Variants in CCDC39 observed in about 807,000 individuals in gnomAD.
The protein encoded by CCDC39 is coiled-coil domain 39 molecular ruler complex subunit.
CCDC39 carries 113 observed loss-of-function variants against 121.0 expected under a neutral mutation model. The ratio of observed to expected loss-of-function variants is 0.93; its 90% CI spans 0.80 to 1.09. The LOEUF (loss-of-function observed/expected upper bound fraction) is 1.09, where lower values mean the gene tolerates loss of function less well. Among genes scored for constraint, CCDC39 ranks in the 50% least tolerant of loss-of-function variants. The pLI is 0.00. For synonymous variants in CCDC39, 349 were observed against 352.2 expected, an observed-to-expected ratio of 0.99 and a Z score of 0.10; for missense variants, 1,063 against 1,074.7, an observed-to-expected ratio of 0.99 and a Z score of 0.15.
intron 1 of CCDC39, among the ~76,000 whole-genome samples, chr3:180,666,881 A>G (rs1192827553): frequency 6.6e-6 from 1 of 151,618 alleles, no homozygotes. Context: ...ACACATACGC[A>G]CACACACACA....
intron 14 of CCDC39, among the ~76,000 whole-genome samples, chr3:180,620,478 A>C (rs912083919): frequency 6.6e-6 from 1 of 152,056 alleles, no homozygotes; most frequent in Non-Finnish European, 1.5e-5. Flanking sequence ...GAAGTCTATG[A>C]ATTGCTAAAG....
chr3:180,673,701 A>T (rs942494943), intron 1 of CCDC39, among the ~76,000 whole-genome samples: 14 of 152,170 alleles, frequency 9.2e-5, no homozygotes, highest in Non-Finnish European at 1.9e-4. Flanking sequence ...GTGATCTAGG[A>T]AATACAGCCT....
chr3:180,664,667 G>GATTCT (rs1052640558), intron 1 of CCDC39, among the ~76,000 whole-genome samples: 2 of 151,612 alleles, frequency 1.3e-5, no homozygotes, highest in African/African-American at 4.8e-5. Context: ...GCAAAAATGA[G>GATTCT]ATTCTACTCC....
At chr3:180,619,511 G>A in intron 15 of CCDC39, 146 bp from the exon 16 acceptor site, 1 of 619,940 alleles carries the variant, frequency 1.6e-6, no homozygotes, top group Non-Finnish European at 2.8e-6. Flanking sequence ...TGGGCATGTA[G>A]TAGCCATTTC....
chr3:180,617,418 C>A (rs530114002), intron 16 of CCDC39: 14 of 668,780 alleles, frequency 2.1e-5, no homozygotes, highest in African/African-American at 1.8e-4. Context: ...TATAAAACAG[C>A]CTCAGGCAGG....
chr3:180,658,196 G>A (rs1000508512), intron 6 of CCDC39, among the ~76,000 whole-genome samples: 21 of 150,938 alleles, frequency 1.4e-4, no homozygotes, highest in Admixed American at 6.6e-4. Flanking sequence ...CTGAGATCAC[G>A]GCATTGCACT....
At position 180,631,579 on chromosome 3, in the gene CCDC39, C is replaced by T. The variant is rs774841018; in HGVS notation, c.1888G>A (p.Glu630Lys). 18 of 1,606,914 alleles carry T rather than the reference C, an allele frequency of 1.1e-5. No homozygotes were observed. The highest frequency in any genetic ancestry group is 1.7e-4 in the Middle Eastern group (1 of 6,058). Residue 630 changes from glutamate to lysine, a missense_variant, in exon 14 of 20, where the codon GAG (glutamate) becomes AAG (lysine). By Grantham distance (56) the Glu-to-Lys change is moderately conservative. Coordinates refer to ENST00000476379, the MANE Select transcript of CCDC39 (RefSeq NM_181426.2). ...AGCTTCTCAATTTTACTTAGCCGCT[C>T]GCGAAACTCAGTGCTAATAAGAAAA... ...ERENISTEFR[E>K]RLSKIEKLKN...
At chr3:180,670,874 C>T (rs562716293) in intron 1 of CCDC39, among the ~76,000 whole-genome samples, 20 of 152,138 alleles carry the variant, frequency 1.3e-4, no homozygotes, top group African/African-American at 2.6e-4. Flanking sequence ...TGCTTGCCAG[C>T]GTCCCATGTC....
At chr3:180,629,262 C>G (rs1017004170) in intron 14 of CCDC39, among the ~76,000 whole-genome samples, 2 of 152,138 alleles carry the variant, frequency 1.3e-5, no homozygotes, top group African/African-American at 2.4e-5. Flanking sequence ...CTGGTAGATG[C>G]AAAACATATT....
intron 13 of CCDC39, among the ~76,000 whole-genome samples, chr3:180,637,120 A>T (rs1717848352): frequency 6.6e-6 from 1 of 152,226 alleles, no homozygotes; most frequent in South Asian, 2.1e-4. Context: ...CGGCAAAGTA[A>T]ACTATCAACA....
rs1162223070 is a variant in CCDC39, at chr3:180,614,533, T to A, written c.*388A>T. 6.4e-6 allele frequency: 1 copy of A among 156,678 alleles called. No individual in the cohort carries two copies. The highest frequency in any genetic ancestry group is 6.5e-5 in the Admixed American group (1 of 15,458). The allele number at this position is 156,678 out of a possible 1,614,324, so 9.7% of individuals were successfully genotyped here. Reference sequence around the variant, plus strand: ...TGGTGTCTTGTAGGGTAAATGAGATTTTCACATTGCAATACGCTCATAATA... The same window carrying A: ...TGGTGTCTTGTAGGGTAAATGAGATATTCACATTGCAATACGCTCATAATA... On this transcript the variant is annotated 3_prime_UTR_variant, in exon 20 of 20. Transcript: ENST00000476379.
intron 16 of CCDC39, 36 bp from the exon 17 acceptor site, chr3:180,617,002 C>A: frequency 9.0e-7 from 1 of 1,113,730 alleles, no homozygotes; most frequent in South Asian, 1.8e-5. Flanking sequence ...TTTTTAGAAT[C>A]AGAAATTGAC....
intron 14 of CCDC39, among the ~76,000 whole-genome samples, chr3:180,622,504 T>C (rs1717453916): frequency 6.6e-6 from 1 of 152,110 alleles, no homozygotes; most frequent in South Asian, 2.1e-4. Flanking sequence ...TTACGGGAAA[T>C]GCCTTCAGCT....
intron 8 of CCDC39, among the ~76,000 whole-genome samples, chr3:180,651,897 C>T (rs1031342059): frequency 1.3e-5 from 2 of 152,036 alleles, no homozygotes; most frequent in African/African-American, 2.4e-5. Flanking sequence ...ATTAGCTGGG[C>T]CTGCTGGCGG....
intron 13 of CCDC39, among the ~76,000 whole-genome samples, chr3:180,633,042 C>A (rs1403422657): frequency 1.3e-5 from 2 of 152,146 alleles, no homozygotes; most frequent in African/African-American, 4.8e-5. Flanking sequence ...GAGATAAAGT[C>A]TTCATCACTC....
chr3:180,674,917 CA>C (rs1282012823), intron 1 of CCDC39, among the ~76,000 whole-genome samples: 3 of 152,196 alleles, frequency 2.0e-5, no homozygotes, highest in African/African-American at 7.2e-5. Context: ...CGATGTTCAT[CA>C]GGGATATTGG....
At chr3:180,671,855 C>G (rs1331871220) in intron 1 of CCDC39, among the ~76,000 whole-genome samples, 1 of 152,130 alleles carries the variant, frequency 6.6e-6, no homozygotes, top group Admixed American at 6.5e-5. Flanking sequence ...GGAAAGAAAC[C>G]ATCTCCACAA....
chr3:180,651,862 C>G lies in CCDC39; in HGVS notation c.1034+301G>C, dbSNP rs572631778. The stretch of plus-strand genomic sequence containing the variant: ...ACCATCCTGGCTAACACGGTGAAAC[C>G]CCGTCTCTAATAAAAATACAAAAAA... On this transcript the variant is annotated intron_variant, in intron 8 of 19. Coordinates refer to ENST00000476379, the MANE Select transcript of CCDC39 (RefSeq NM_181426.2). 2.0e-5 allele frequency among the ~76,000 whole-genome samples: 3 copies of G among 152,160 alleles called. No homozygotes were observed. In the East Asian group the frequency reaches 5.8e-4, roughly 29 times the overall value.
intron 9 of CCDC39, among the ~76,000 whole-genome samples, chr3:180,651,088 G>A (rs1324893426): frequency 4.0e-5 from 6 of 151,382 alleles, no homozygotes; most frequent in Admixed American, 2.6e-4. Context: ...CCAACTACTC[G>A]GGAGGCTGAG....
Sources: allele counts gnomAD v4.1 joint callset (sites outside exome capture counted in the v4.1 genomes callset), GRCh38; gene constraint gnomAD v4.1.1; transcripts MANE v1.5; gene names NCBI Gene and HGNC (gene_info 2026-07-23, HGNC 2026-07-21).